Variants in SDK1 observed in about 807,000 individuals in gnomAD.
SDK1 encodes the protein protein sidekick-1.
SDK1 carries 157 observed loss-of-function variants against 245.5 expected under a neutral mutation model. The observed-to-expected ratio is 0.64, with a 90% confidence interval of 0.56 to 0.73. SDK1 has a LOEUF of 0.73. Among genes scored for constraint, SDK1 ranks in the 30% least tolerant of loss-of-function variants. The pLI, the probability that SDK1 is intolerant of heterozygous loss-of-function variation, is 0.00. For missense variants in SDK1, 3,583 were observed against 3,002.3 expected (o/e 1.19, Z -4.52); for synonymous variants, 1,647 against 1,278.5 (o/e 1.29, Z -6.15).
chr7:4,113,262 G>A (rs1362188137), intron 23 of SDK1, 27 bp from the exon 24 acceptor site: 3 of 1,604,732 alleles, frequency 1.9e-6, no homozygotes, highest in Non-Finnish European at 2.6e-6. Context: ...GCTTTGCCGT[G>A]ACTCTCATCA....
chr7:4,034,753 A>G (rs994400840), intron 17 of SDK1, among the ~76,000 whole-genome samples: 18 of 152,208 alleles, frequency 1.2e-4, no homozygotes, highest in African/African-American at 4.3e-4. Context: ...TGTTATAGCA[A>G]AAGACTGGAA....
At chr7:3,838,768 G>A (rs901804706) in intron 5 of SDK1, among the ~76,000 whole-genome samples, 3 of 152,174 alleles carry the variant, frequency 2.0e-5, no homozygotes, top group Non-Finnish European at 1.5e-5. Context: ...CTCACTAGGA[G>A]ACCATGCAGT....
intron 1 of SDK1, among the ~76,000 whole-genome samples, chr7:3,418,981 G>A (rs956930869): frequency 1.3e-5 from 2 of 152,120 alleles, no homozygotes; most frequent in Admixed American, 1.3e-4. Flanking sequence ...ATGTTCTTGT[G>A]GACTTGACAA....
chr7:3,764,503 TG>T (rs1780196043), intron 4 of SDK1, among the ~76,000 whole-genome samples: 1 of 151,948 alleles, frequency 6.6e-6, no homozygotes, highest in African/African-American at 2.4e-5. Flanking sequence ...CTGACCAACA[TG>T]GTGAAATCCC....
chr7:3,556,215 C>CAAT (rs1779583493), intron 1 of SDK1, among the ~76,000 whole-genome samples: 2 of 151,808 alleles, frequency 1.3e-5, no homozygotes, highest in South Asian at 4.2e-4. Flanking sequence ...TACATATACA[C>CAAT]GATGGAGTAT....
intron 5 of SDK1, among the ~76,000 whole-genome samples, chr7:3,888,050 G>T (rs1358564321): frequency 1.3e-5 from 2 of 152,162 alleles, no homozygotes; most frequent in African/African-American, 2.4e-5. Flanking sequence ...TTTTAAATAT[G>T]TTTCAGTCAA....
intron 1 of SDK1, among the ~76,000 whole-genome samples, chr7:3,439,489 A>G (rs1469390001): frequency 3.9e-5 from 6 of 152,164 alleles, no homozygotes; most frequent in Non-Finnish European, 8.8e-5. Context: ...GTGGACAGCA[A>G]TCAGTTAATG....
intron 41 of SDK1, among the ~76,000 whole-genome samples, chr7:4,234,214 C>T (rs562237752): frequency 2.0e-4 from 30 of 152,266 alleles, no homozygotes; most frequent in South Asian, 1.7e-3. Context: ...CTGAGGATGG[C>T]GTGCAGGTGA....
At chr7:3,317,775 TTAAAA>T (rs1779699840) in intron 1 of SDK1, among the ~76,000 whole-genome samples, 1 of 152,252 alleles carries the variant, frequency 6.6e-6, no homozygotes, top group Admixed American at 6.5e-5. Flanking sequence ...GGATGCTTGA[TTAAAA>T]TAAGTATTTT....
intron 5 of SDK1, among the ~76,000 whole-genome samples, chr7:3,822,300 A>C (rs761971374): frequency 6.6e-6 from 1 of 152,242 alleles, no homozygotes; most frequent in Non-Finnish European, 1.5e-5. Context: ...CATGGTATGA[A>C]ATGAAATTGT....
At chr7:3,622,816 G>A (rs772338512) in intron 2 of SDK1, among the ~76,000 whole-genome samples, 2 of 152,150 alleles carry the variant, frequency 1.3e-5, no homozygotes, top group African/African-American at 2.4e-5. Context: ...AGAATTGTTT[G>A]GGGTATTTGT....
chr7:4,213,360 C>T (rs1323665849), intron 38 of SDK1, among the ~76,000 whole-genome samples: 1 of 151,164 alleles, frequency 6.6e-6, no homozygotes, highest in Admixed American at 6.6e-5. Context: ...GGCAGTGAGC[C>T]GAGATCGCGC....
At chr7:4,200,794 G>A (rs1266390754) in intron 35 of SDK1, among the ~76,000 whole-genome samples, 1 of 152,200 alleles carries the variant, frequency 6.6e-6, no homozygotes, top group Admixed American at 6.5e-5. Context: ...CACATTCAAG[G>A]GAAGGAGATT....
intron 30 of SDK1, among the ~76,000 whole-genome samples, chr7:4,151,947 T>G (rs1184342777): frequency 1.3e-5 from 2 of 152,110 alleles, no homozygotes; most frequent in Non-Finnish European, 2.9e-5. Context: ...TTTACAAGGG[T>G]CTGCGACGTA....
intron 42 of SDK1, among the ~76,000 whole-genome samples, chr7:4,239,881 C>T (rs1004250632): frequency 2.0e-5 from 3 of 152,126 alleles, no homozygotes; most frequent in Admixed American, 2.0e-4. Context: ...CTACATTAGC[C>T]CCCTGAGCCA....
At chr7:3,560,605 C>G (rs943502204) in intron 1 of SDK1, among the ~76,000 whole-genome samples, 1 of 152,120 alleles carries the variant, frequency 6.6e-6, no homozygotes, top group Non-Finnish European at 1.5e-5. Flanking sequence ...TCCCTTGCAC[C>G]CCACAGCCCA....
intron 1 of SDK1, among the ~76,000 whole-genome samples, chr7:3,418,906 C>T (rs35427356): frequency 2.6e-5 from 4 of 152,112 alleles, no homozygotes; most frequent in Admixed American, 6.5e-5. Flanking sequence ...CTGAAGAACT[C>T]GTATATGTAA....
intron 4 of SDK1, among the ~76,000 whole-genome samples, chr7:3,665,191 C>T (rs1448206196): frequency 1.3e-5 from 2 of 152,184 alleles, no homozygotes; most frequent in Non-Finnish European, 2.9e-5. Context: ...GCCTCCTCAA[C>T]AGGAGACCCA....
At chr7:4,163,214 G>A (rs1242565547) in intron 32 of SDK1, among the ~76,000 whole-genome samples, 3 of 152,116 alleles carry the variant, frequency 2.0e-5, no homozygotes, top group African/African-American at 4.8e-5. Context: ...ATGAGGACAG[G>A]TCAGCCTGGG....
Sources: allele counts gnomAD v4.1 joint callset (sites outside exome capture counted in the v4.1 genomes callset), GRCh38; gene constraint gnomAD v4.1.1; transcripts MANE v1.5; gene names NCBI Gene and HGNC (gene_info 2026-07-23, HGNC 2026-07-21).